SRRM1: variants seen among roughly 807,000 people sequenced by gnomAD.
SRRM1 encodes the protein serine/arginine repetitive matrix protein 1.
SRRM1 carries 19 observed loss-of-function variants against 110.2 expected under a neutral mutation model. The observed-to-expected ratio is 0.17, with a 90% confidence interval of 0.12 to 0.25. SRRM1 has a LOEUF of 0.25. Among genes scored for constraint, SRRM1 ranks in the 10% least tolerant of loss-of-function variants. The probability of loss-of-function intolerance (pLI) is 1.00; values close to 1 mark genes in which losing one functional copy is unlikely to be tolerated. For missense variants in SRRM1, 918 were observed against 1,145.8 expected (o/e 0.80, Z 2.87); for synonymous variants, 443 against 414.9 (o/e 1.07, Z -0.82).
chr1:24,652,356 T>G (rs943163145), intron 6 of SRRM1, 78 bp from the exon 7 acceptor site: 36 of 1,046,968 alleles, frequency 3.4e-5, no homozygotes, highest in Non-Finnish European at 4.4e-5. Context: ...AGAAATACTT[T>G]ATTACATCAT....
At chr1:24,669,800 T>C (rs1373700261) in intron 14 of SRRM1, 11 of 578,504 alleles carry the variant, frequency 1.9e-5, no homozygotes, top group East Asian at 5.9e-5. Context: ...TTAGCAGTTA[T>C]TAATTTGTTT....
chr1:24,666,042 A>T (rs1276454492), intron 12 of SRRM1, among the ~76,000 whole-genome samples: 1 of 152,182 alleles, frequency 6.6e-6, no homozygotes, highest in Non-Finnish European at 1.5e-5. Context: ...GTTGATTCCT[A>T]ATAAGGAATT....
intron 1 of SRRM1, among the ~76,000 whole-genome samples, chr1:24,644,577 T>G (rs1471606287): frequency 6.6e-6 from 1 of 152,162 alleles, no homozygotes. Context: ...GCCAACGAGT[T>G]TTTCGTCATG....
chr1:24,668,781 G>A (rs77228387), intron 13 of SRRM1, among the ~76,000 whole-genome samples: 4,051 of 152,302 alleles, frequency 0.027, 77 homozygotes, highest in Middle Eastern at 0.11. Context: ...CTGATGTTCA[G>A]TTAATACAGT....
intron 1 of SRRM1, 141 bp downstream of exon 1, chr1:24,643,488 C>CA (rs201276480): frequency 1.8e-6 from 1 of 568,006 alleles, no homozygotes; most frequent in African/African-American, 2.8e-5. Context: ...GCGCACCCCC[C>CA]CCCCCCCCGT....
At chr1:24,644,650 A>G (rs1656246509) in intron 1 of SRRM1, among the ~76,000 whole-genome samples, 1 of 152,228 alleles carries the variant, frequency 6.6e-6, no homozygotes, top group Admixed American at 6.5e-5. Context: ...GCAAACAGTA[A>G]GATACTTATT....
intron 3 of SRRM1, 47 bp from the exon 4 acceptor site, chr1:24,648,812 T>C (rs1425353533): frequency 1.3e-6 from 2 of 1,574,972 alleles, no homozygotes; most frequent in African/African-American, 1.4e-5. Context: ...TGTTGGTTGG[T>C]TGGTTTTGAA....
intron 13 of SRRM1, among the ~76,000 whole-genome samples, chr1:24,668,266 C>A (rs554466150): frequency 1.3e-5 from 2 of 152,206 alleles, no homozygotes; most frequent in Non-Finnish European, 2.9e-5. Context: ...CTCTGCCCAG[C>A]CTGGCTGCCA....
At chr1:24,647,233 A>G (rs1233822612) in intron 3 of SRRM1, 1 of 153,050 alleles carries the variant, frequency 6.5e-6, no homozygotes, top group Non-Finnish European at 1.5e-5. Flanking sequence ...GTGGCCAAAC[A>G]TCAACAACAA....
chr1:24,662,064 T>G (rs1273903015), intron 11 of SRRM1, among the ~76,000 whole-genome samples: 1 of 152,176 alleles, frequency 6.6e-6, no homozygotes, highest in Non-Finnish European at 1.5e-5. Context: ...CACTCCAGCC[T>G]GGGAGCCTGG....
At chr1:24,672,117 G>A in intron 16 of SRRM1, 65 bp from the exon 17 acceptor site, 2 of 1,260,814 alleles carry the variant, frequency 1.6e-6, no homozygotes, top group Non-Finnish European at 1.1e-6. Flanking sequence ...CTTTGATTCT[G>A]CTCTTTACTC....
rs1306498162 is a variant in SRRM1 at position 24,648,915 on chromosome 1, T to C, written c.291T>C (p.Asn97=). The change falls in exon 4 of 17, where the codon AAT becomes AAC. Residue 97 remains asparagine, a synonymous_variant. Coordinates refer to ENST00000323848, the MANE Select transcript of SRRM1 (RefSeq NM_005839.4). ...INLTGFLNGK[N]AREFMGELWP... Reference sequence around the variant, plus strand: ...TGACTGGATTTTTGAATGGAAAAAATGCTCGAGAATTTATGGGAGAACTGT... The same window carrying C: ...TGACTGGATTTTTGAATGGAAAAAACGCTCGAGAATTTATGGGAGAACTGT... 6.8e-6 allele frequency: 11 copies of C among 1,613,162 alleles called. No individual in the cohort carries two copies. Among genetic ancestry groups the C allele is most frequent in the Non-Finnish European group, 8.5e-6 (10 of 1,179,830 alleles).
At chr1:24,653,151 A>G (rs1007349150) in intron 8 of SRRM1, 119 bp downstream of exon 8, 18 of 964,748 alleles carry the variant, frequency 1.9e-5, no homozygotes, top group Non-Finnish European at 2.2e-5. Context: ...ATATTAGACA[A>G]TGTCTTCTAA....
chr1:24,662,987 AT>A, intron 12 of SRRM1, 183 bp downstream of exon 12: 1 of 998,122 alleles, frequency 1.0e-6, no homozygotes, highest in Non-Finnish European at 1.4e-6. Context: ...TTAATAATTA[AT>A]TTAGAATTGG....
chr1:24,660,725 A>G lies in SRRM1; in HGVS notation c.1322A>G (p.Lys441Arg), dbSNP rs754911535. The change falls in exon 10 of 17, where the codon AAA (lysine) becomes AGA (arginine). Residue 441 changes from lysine (K) to arginine (R), a missense_variant. Transcript: ENST00000323848. ...SPGRTSGKVT[K>R]HKGTEKRESP... ...CACTCTTATTCTTTTTTAGTGACAA[A>G]ACATAAAGGTACTGAGAAAAGAGAA... is the stretch of plus-strand genomic sequence containing the variant. 2 of 1,554,650 alleles carry G rather than the reference A, an allele frequency of 1.3e-6. No homozygotes were observed. The highest frequency in any genetic ancestry group is 1.7e-6 in the Non-Finnish European group (2 of 1,153,876).
rs1268642477 is a variant in SRRM1, at chr1:24,672,656, T to C, written c.*370T>C. The C allele has an allele frequency of 6.5e-6, 1 of 154,770 alleles. No individual in the cohort carries two copies. Among genetic ancestry groups the C allele is most frequent in the Non-Finnish European group, 1.4e-5 (1 of 70,870 alleles). 9.6% of individuals were successfully genotyped at this position (154,770 alleles called of 1,614,324 possible). A position where few individuals can be genotyped will look rare whatever the true frequency, so the allele number is the denominator to read the frequency against. Reference sequence around the variant, plus strand: ...GTTTTGATTTTCTTTTTGTTTTTCTTTCTTCTTCTTATTTTTTTCATTTGA... The same window carrying C: ...GTTTTGATTTTCTTTTTGTTTTTCTCTCTTCTTCTTATTTTTTTCATTTGA... On this transcript the variant is annotated 3_prime_UTR_variant, in exon 17 of 17. Transcript: ENST00000323848.
intron 12 of SRRM1, among the ~76,000 whole-genome samples, chr1:24,664,452 G>A (rs1186140014): frequency 6.6e-6 from 1 of 152,214 alleles, no homozygotes; most frequent in Non-Finnish European, 1.5e-5. Flanking sequence ...TGACAAAGTT[G>A]GATCTTAGAC....
chr1:24,648,827 C>A (rs1299474609), intron 3 of SRRM1, 32 bp from the exon 4 acceptor site: 1 of 1,599,944 alleles, frequency 6.3e-7, no homozygotes, highest in Non-Finnish European at 8.5e-7. Flanking sequence ...TTTGAAGTAA[C>A]CTGTTTTTCT....
At chr1:24,659,564 C>T (rs930282068) in intron 9 of SRRM1, among the ~76,000 whole-genome samples, 1 of 152,154 alleles carries the variant, frequency 6.6e-6, no homozygotes, top group Non-Finnish European at 1.5e-5. Context: ...TTAGTTGTAG[C>T]AATGGATAGA....
Sources: gnomAD v4.1 joint callset for allele counts (sites outside exome capture counted in the v4.1 genomes callset) on GRCh38, gnomAD v4.1.1 for gene constraint, MANE v1.5 for transcripts, NCBI Gene and HGNC (gene_info 2026-07-23, HGNC 2026-07-21) for gene names.